GPR137C: variants seen among roughly 807,000 people sequenced by gnomAD.
The protein encoded by GPR137C is integral membrane protein GPR137C.
Under a neutral mutation model 43.4 loss-of-function variants are expected in GPR137C, and 27 were observed. The ratio of observed to expected loss-of-function variants is 0.62; its 90% CI spans 0.46 to 0.86. The LOEUF (loss-of-function observed/expected upper bound fraction) is 0.86, where lower values mean the gene tolerates loss of function less well. Ranked by LOEUF, GPR137C falls within the 40% of genes least tolerant of loss-of-function variation. GPR137C has a pLI of 0.00. For synonymous variants in GPR137C, 285 were observed against 226.9 expected (o/e 1.26, Z -2.30); for missense variants, 522 against 534.6 (o/e 0.98, Z 0.23).
chr14:52,575,795 T>A (rs1185790656), intron 1 of GPR137C, among the ~76,000 whole-genome samples: 1 of 152,170 alleles, frequency 6.6e-6, no homozygotes, highest in Non-Finnish European at 1.5e-5. Flanking sequence ...TCCAGGACAG[T>A]CTACTTTAAT....
intron 1 of GPR137C, among the ~76,000 whole-genome samples, chr14:52,564,003 C>A (rs530997910): frequency 6.6e-6 from 1 of 151,940 alleles, no homozygotes; most frequent in Non-Finnish European, 1.5e-5. Context: ...CAACCAGGCA[C>A]GGTGGCTCAC....
chr14:52,554,258 C>A (rs906017403), intron 1 of GPR137C, among the ~76,000 whole-genome samples: 4 of 152,148 alleles, frequency 2.6e-5, no homozygotes, highest in Admixed American at 2.0e-4. Context: ...GCGGTTTATC[C>A]TACCTCCTAT....
chr14:52,555,691 C>T (rs977546016), intron 1 of GPR137C, among the ~76,000 whole-genome samples: 2 of 152,060 alleles, frequency 1.3e-5, no homozygotes, highest in Non-Finnish European at 2.9e-5. Flanking sequence ...ACTCTATTAA[C>T]CTGAAAAATA....
Position 52,553,633 on chromosome 14 carries a change from CG to C in GPR137C, c.444+46del, listed in dbSNP as rs753975518. Reference sequence around the variant, plus strand: ...GGCATGCGGGGCCCGGGCGGGTGCGCGGGGCCGCCGGGATCAACTCCCGCTG... The same window carrying C: ...GGCATGCGGGGCCCGGGCGGGTGCGCGGGCCGCCGGGATCAACTCCCGCTG... On this transcript the variant is annotated intron_variant, in intron 1 of 6. Coordinates refer to ENST00000321662, the MANE Select transcript of GPR137C (RefSeq NM_001099652.2). 7.7e-5 allele frequency: 107 copies of C among 1,389,798 alleles called. 2 individuals carry two copies. The South Asian group carries it at 1.5e-3, about 19-fold the overall frequency. The allele number at this position is 1,389,798 out of a possible 1,614,324, so 86.1% of individuals were successfully genotyped here.
intron 1 of GPR137C, among the ~76,000 whole-genome samples, chr14:52,573,068 AAG>A (rs2038496481): frequency 6.6e-6 from 1 of 152,220 alleles, no homozygotes; most frequent in South Asian, 2.1e-4. Flanking sequence ...TCAAGGAAAT[AAG>A]AGAGGATGCA....
intron 3 of GPR137C, among the ~76,000 whole-genome samples, chr14:52,630,610 G>A (rs1407884488): frequency 6.6e-6 from 1 of 152,026 alleles, no homozygotes. Flanking sequence ...ATCTTTCAGG[G>A]TATCTTTTAT....
chr14:52,630,217 C>T (rs1224196894), intron 3 of GPR137C, among the ~76,000 whole-genome samples: 3 of 152,050 alleles, frequency 2.0e-5, no homozygotes, highest in African/African-American at 7.2e-5. Context: ...GCTCTTTTCT[C>T]ACAATCTTTT....
At chr14:52,631,416 T>C (rs2039292739) in intron 3 of GPR137C, among the ~76,000 whole-genome samples, 2 of 152,114 alleles carry the variant, frequency 1.3e-5, no homozygotes, top group Non-Finnish European at 2.9e-5. Context: ...GGCAAGGATG[T>C]CACAGAGTAA....
At chr14:52,628,293 G>A (rs765000348) in intron 3 of GPR137C, among the ~76,000 whole-genome samples, 20 of 152,014 alleles carry the variant, frequency 1.3e-4, no homozygotes, top group African/African-American at 4.6e-4. Context: ...GAAGCAACTC[G>A]ATATCCATAT....
intron 1 of GPR137C, among the ~76,000 whole-genome samples, chr14:52,585,586 C>T (rs907690714): frequency 6.6e-6 from 1 of 152,226 alleles, no homozygotes; most frequent in African/African-American, 2.4e-5. Context: ...GTAATCCCAG[C>T]ACTTTGGGAG....
intron 1 of GPR137C, among the ~76,000 whole-genome samples, chr14:52,574,932 T>C (rs886984693): frequency 1.3e-5 from 2 of 152,088 alleles, no homozygotes; most frequent in Non-Finnish European, 2.9e-5. Flanking sequence ...TAATATACAA[T>C]GGGGGAAGTA....
At chr14:52,600,033 C>A in intron 2 of GPR137C, 80 bp from the exon 3 acceptor site, 1 of 885,452 alleles carries the variant, frequency 1.1e-6, no homozygotes, top group Non-Finnish European at 1.8e-6. Flanking sequence ...ATTCTTGTAC[C>A]TAACATAACA....
chr14:52,634,051 A>G, intron 6 of GPR137C, 105 bp downstream of exon 6: 1 of 700,616 alleles, frequency 1.4e-6, no homozygotes, highest in Non-Finnish European at 2.5e-6. Context: ...TAGTGGTAAT[A>G]TGTCAATAAA....
chr14:52,607,072 A>G (rs181660465), intron 3 of GPR137C, among the ~76,000 whole-genome samples: 111 of 152,176 alleles, frequency 7.3e-4, no homozygotes, highest in African/African-American at 2.7e-3. Flanking sequence ...ATGTTATTTA[A>G]TTTCCATGTA....
chr14:52,622,645 A>C (rs1374906293), intron 3 of GPR137C, among the ~76,000 whole-genome samples: 2 of 151,990 alleles, frequency 1.3e-5, no homozygotes, highest in Non-Finnish European at 2.9e-5. Flanking sequence ...TGTCTGCCAG[A>C]GTTGTCTGTC....
chr14:52,558,893 G>A (rs2038236050), intron 1 of GPR137C, among the ~76,000 whole-genome samples: 1 of 152,220 alleles, frequency 6.6e-6, no homozygotes, highest in South Asian at 2.1e-4. Flanking sequence ...AAAGATGGAA[G>A]ATACAACCAA....
At chr14:52,633,503 A>G in intron 4 of GPR137C, 27 bp from the exon 5 acceptor site, 2 of 1,605,180 alleles carry the variant, frequency 1.2e-6, no homozygotes, top group South Asian at 1.1e-5. Flanking sequence ...ACAGATGTAA[A>G]AATTCTCTGC....
Position 52,635,237 on chromosome 14 carries a change from T to G in GPR137C, c.*122T>G. 1 of 721,420 alleles carries G rather than the reference T, an allele frequency of 1.4e-6. No individual in the cohort carries two copies. The highest frequency in any genetic ancestry group is 2.1e-6 in the Non-Finnish European group (1 of 469,958). 44.7% of individuals were successfully genotyped at this position (721,420 alleles called of 1,614,324 possible). A position where few individuals can be genotyped will look rare whatever the true frequency, so the allele number is the denominator to read the frequency against. Reference sequence around the variant, plus strand: ...CAACTGAAAACAAAATCTGGAAGTGTGGCTGTGTTTGGTAAATAACACAGC... The same window carrying G: ...CAACTGAAAACAAAATCTGGAAGTGGGGCTGTGTTTGGTAAATAACACAGC... On this transcript the variant is annotated 3_prime_UTR_variant, in exon 7 of 7. Coordinates refer to ENST00000321662, the MANE Select transcript of GPR137C (RefSeq NM_001099652.2).
chr14:52,596,845 T>C (rs1043657936), intron 1 of GPR137C: 7 of 447,514 alleles, frequency 1.6e-5, no homozygotes, highest in Non-Finnish European at 1.8e-5. Flanking sequence ...GTCCAACCAG[T>C]CCCAATGAGA....
Sources: allele counts gnomAD v4.1 joint callset (sites outside exome capture counted in the v4.1 genomes callset), GRCh38; gene constraint gnomAD v4.1.1; transcripts MANE v1.5; gene names NCBI Gene and HGNC (gene_info 2026-07-23, HGNC 2026-07-21).